The following MUC12 variants were observed in gnomAD, a reference collection of about 807,000 sequenced individuals.
MUC12 encodes the protein mucin-12.
Under a neutral mutation model 230.8 loss-of-function variants are expected in MUC12, and 172 were observed. The observed-to-expected ratio is 0.75, with a 90% CI of 0.66 to 0.85. MUC12 has a LOEUF of 0.85. MUC12 is among the 40% of genes least tolerant of loss of function. The pLI is 0.00. For missense variants in MUC12, 3,506 were observed against 5,920.6 expected (o/e 0.59, Z 13.38); for synonymous variants, 1,259 against 2,401.9 (o/e 0.52, Z 13.91).
rs1158989559 is a variant in MUC12, at chr7:101,004,473, C to A, written c.13910C>A (p.Thr4637Lys). The change falls in exon 2 of 12, where the codon ACA becomes AAA. Residue 4637 changes from threonine (T) to lysine (K), a missense_variant. Thr to Lys is a moderately conservative substitution (Grantham distance 78, BLOSUM62 -1). Transcript: ENST00000536621. The stretch of plus-strand genomic sequence containing the variant: ...GAATCAAGAACTTCCCACAGCAGCA[C>A]AACACACACAATATCTTCACCTCCT... Reference protein sequence around the residue: ...SEESRTSHSSTTHTISSPPST... With the variant: ...SEESRTSHSSKTHTISSPPST... 1.6e-5 allele frequency: 24 copies of A among 1,531,172 alleles called. No individual in the cohort carries two copies. Among genetic ancestry groups the A allele is most frequent in the Non-Finnish European group, 2.0e-5 (23 of 1,145,464 alleles). The allele number at this position is 1,531,172 out of a possible 1,614,324, so 94.8% of individuals were successfully genotyped here.
chr7:100,985,908 G>A (rs1793180638), intron 1 of MUC12, among the ~76,000 whole-genome samples: 1 of 152,102 alleles, frequency 6.6e-6, no homozygotes, highest in South Asian at 2.1e-4. Flanking sequence ...CCTATCCTCT[G>A]CCATCCTCTC....
At chr7:101,013,278 C>G (rs1276432827) in intron 8 of MUC12, 136 bp downstream of exon 8, 113 of 914,860 alleles carry the variant, frequency 1.2e-4, no homozygotes, top group Non-Finnish European at 2.6e-5. Context: ...ACATACCTCT[C>G]CCCTGTAATC....
chr7:101,006,087 C>T (rs1473209515), intron 2 of MUC12, among the ~76,000 whole-genome samples: 3 of 152,092 alleles, frequency 2.0e-5, no homozygotes, highest in Admixed American at 6.6e-5. Flanking sequence ...TGTGAGCCAC[C>T]GCGCCGGGCC....
chr7:100,980,336 C>A (rs1793088043), intron 1 of MUC12, among the ~76,000 whole-genome samples: 1 of 152,164 alleles, frequency 6.6e-6, no homozygotes, highest in South Asian at 2.1e-4. Context: ...GCCACCATGC[C>A]CAGCCTGAAG....
rs1370388938 is a variant in MUC12, at chr7:100,990,746, C to T, written c.183C>T (p.Gly61=). Residue 61 remains glycine, a synonymous_variant, in exon 2 of 12, where the codon GGC becomes GGT. Coordinates refer to ENST00000536621, the MANE Select transcript of MUC12 (RefSeq NM_001164462.2). ...DYGVSVTFIT[G]STATKHFLDS... is the part of the protein sequence containing the mutation. ...GGGTGTCAGTCACATTTATCACGGG[C>T]TCAACTGCAACAAAACACTTCCTTG... The T allele has an allele frequency of 5.2e-6, 8 of 1,537,772 alleles. No homozygotes were observed. Among genetic ancestry groups the T allele is most frequent in the Non-Finnish European group, 7.0e-6 (8 of 1,147,074 alleles).
intron 1 of MUC12, chr7:100,972,757 C>T (rs559387629): frequency 9.1e-6 from 6 of 658,474 alleles, no homozygotes; most frequent in South Asian, 5.1e-5. Flanking sequence ...CTGCTCAGCT[C>T]GAACTCCCAA....
intron 1 of MUC12, among the ~76,000 whole-genome samples, chr7:100,983,678 C>T (rs1051275029): frequency 6.6e-6 from 1 of 152,234 alleles, no homozygotes. Context: ...GTTAATGTGT[C>T]CTGTGATAGG....
intron 8 of MUC12, 121 bp from the exon 9 acceptor site, chr7:101,013,776 AGGCTCTCTGGGGGCTG>A (rs1793875143): frequency 1.9e-6 from 2 of 1,062,036 alleles, no homozygotes; most frequent in African/African-American, 3.2e-5. Context: ...TCAGGGACCC[AGGCTCTCTGGGGGCTG>A]AGCTCCAGCC....
At chr7:101,009,254 T>C (rs1793806392) in intron 5 of MUC12, 95 bp downstream of exon 5, 3 of 1,305,538 alleles carry the variant, frequency 2.3e-6, no homozygotes, top group East Asian at 2.5e-5. Flanking sequence ...AGAATATCAA[T>C]ACTGGTTGGG....
intron 1 of MUC12, among the ~76,000 whole-genome samples, chr7:100,971,889 T>C (rs941109090): frequency 3.9e-5 from 6 of 152,306 alleles, no homozygotes; most frequent in Admixed American, 2.0e-4. Context: ...TACCCAGCCG[T>C]GTGTTAGAGA....
In MUC12 at chr7:101,015,640, T is replaced by C; in HGVS notation, c.15826T>C (p.Trp5276Arg). ...GGAACAGTATGATGTGCCTCAAGAG[T>C]GGCGAAAGGAAGGCACCCCTGGCAT... ...HREQYDVPQE[W>R]RKEGTPGIFQ... The change falls in exon 10 of 12, where the codon TGG becomes CGG. Residue 5276 changes from tryptophan to arginine, a missense_variant. By Grantham distance (101) the Trp-to-Arg change is moderately radical (BLOSUM62 -3). Coordinates refer to ENST00000536621, the MANE Select transcript of MUC12 (RefSeq NM_001164462.2). 6.5e-7 allele frequency: 1 copy of C among 1,537,278 alleles called. No individual in the cohort carries two copies. Among genetic ancestry groups the C allele is most frequent in the Non-Finnish European group, 8.7e-7 (1 of 1,146,916 alleles).
intron 1 of MUC12, among the ~76,000 whole-genome samples, chr7:100,986,125 C>T (rs959393123): frequency 6.6e-6 from 1 of 152,030 alleles, no homozygotes; most frequent in African/African-American, 2.4e-5. Flanking sequence ...TTTGGGAGGC[C>T]GAGGTGTGAG....
rs79650929 is a variant in MUC12 at position 100,990,311 on chromosome 7, C to T, written c.68-320C>T. Among the ~76,000 whole-genome samples, 106 of 152,336 alleles carry T rather than the reference C, an allele frequency of 7.0e-4. 1 individual carries two copies. In the East Asian group the frequency reaches 0.019, roughly 27 times the overall value. On this transcript the variant is annotated intron_variant, in intron 1 of 11. Coordinates refer to ENST00000536621, the MANE Select transcript of MUC12 (RefSeq NM_001164462.2). ...GCTGCACCCCCTTATGAGAATCTAA[C>T]GGTAAATGTAATGTGCTTGAATCAT...
intron 1 of MUC12, among the ~76,000 whole-genome samples, chr7:100,976,937 G>A (rs996752298): frequency 1.3e-5 from 2 of 151,196 alleles, no homozygotes; most frequent in African/African-American, 4.9e-5. Flanking sequence ...TGTAATCCCA[G>A]CTACTCAGGA....
At chr7:100,978,318 T>A (rs1171393517) in intron 1 of MUC12, among the ~76,000 whole-genome samples, 1 of 152,100 alleles carries the variant, frequency 6.6e-6, no homozygotes, top group Non-Finnish European at 1.5e-5. Context: ...TGAGCTTATG[T>A]TAAAGGAATA....
chr7:101,017,549 T>A, intron 10 of MUC12, 26 bp from the exon 11 acceptor site: 1 of 1,465,702 alleles, frequency 6.8e-7, no homozygotes, highest in Non-Finnish European at 9.2e-7. Flanking sequence ...AAGGCTCCCA[T>A]CACTCATCAC....
intron 1 of MUC12, among the ~76,000 whole-genome samples, chr7:100,987,982 A>AT (rs1233770282): frequency 1.0e-4 from 15 of 147,874 alleles, no homozygotes; most frequent in African/African-American, 3.7e-4. Flanking sequence ...AAAAAAAAAA[A>AT]AGAAAAGAAA....
At position 100,992,441 on chromosome 7, in the gene MUC12, C is replaced by T; in HGVS notation, c.1878C>T (p.Thr626=). 6.5e-7 allele frequency: 1 copy of T among 1,537,978 alleles called. No homozygotes were observed. Among genetic ancestry groups the T allele is most frequent in the Non-Finnish European group, 8.7e-7 (1 of 1,147,070 alleles). ...CACTGTCCCCTGCCGGCTCTACAACCCGTCAGGGAGAATCTACCACATTCC... is the reference window on the plus strand; with the variant it reads ...CACTGTCCCCTGCCGGCTCTACAACTCGTCAGGGAGAATCTACCACATTCC... ...HTTLSPAGST[T]RQGESTTFHS... is the part of the protein sequence containing the mutation. The change falls in exon 2 of 12, where the codon ACC becomes ACT. Residue 626 remains threonine (T), a synonymous_variant. Transcript: ENST00000536621.
At position 101,018,758 on chromosome 7, in the gene MUC12, C is replaced by A; in HGVS notation, c.*122C>A. 2 of 1,026,402 alleles carry A rather than the reference C, an allele frequency of 1.9e-6. No homozygotes were observed. The highest frequency in any genetic ancestry group is 1.4e-6 in the Non-Finnish European group (1 of 729,468). 63.6% of individuals were successfully genotyped at this position (1,026,402 alleles called of 1,614,324 possible). On this transcript the variant is annotated 3_prime_UTR_variant, in exon 12 of 12. Coordinates refer to ENST00000536621, the MANE Select transcript of MUC12 (RefSeq NM_001164462.2). The stretch of plus-strand genomic sequence containing the variant: ...AAGTCAGGCCCTGAAGCCGGTCCTG[C>A]TCTGAGCTGACAGACTTGGCCAGTC...
Sources: gnomAD v4.1 joint callset for allele counts (sites outside exome capture counted in the v4.1 genomes callset) on GRCh38, gnomAD v4.1.1 for gene constraint, MANE v1.5 for transcripts, NCBI Gene and HGNC (gene_info 2026-07-23, HGNC 2026-07-21) for gene names.